Variants in RAB5C observed in about 807,000 individuals in gnomAD.
RAB5C encodes ras-related protein Rab-5C.
Under a neutral mutation model 25.2 loss-of-function variants are expected in RAB5C, and 4 were observed. The observed-to-expected ratio is 0.16, with a 90% CI of 0.08 to 0.36. The LOEUF is 0.36. RAB5C is among the 10% of genes least tolerant of loss of function. The pLI, the probability that RAB5C is intolerant of heterozygous loss-of-function variation, is 1.00. For missense variants in RAB5C, 199 were observed against 283.8 expected (o/e 0.70, Z 2.15); for synonymous variants, 100 against 106.4 (o/e 0.94, Z 0.37).
chr17:42,140,715 G>A (rs1400790169), intron 1 of RAB5C, among the ~76,000 whole-genome samples: 1 of 151,596 alleles, frequency 6.6e-6, no homozygotes, highest in African/African-American at 2.4e-5. Flanking sequence ...TAGTAGAGAT[G>A]AGGTTTCGCC....
intron 1 of RAB5C, among the ~76,000 whole-genome samples, chr17:42,151,784 A>T (rs2079673314): frequency 6.6e-6 from 1 of 152,146 alleles, no homozygotes; most frequent in Admixed American, 6.6e-5. Context: ...TGGGACTCCT[A>T]ACTGTTTTGG....
At chr17:42,139,409 G>A (rs912149035) in intron 1 of RAB5C, among the ~76,000 whole-genome samples, 59 of 152,210 alleles carry the variant, frequency 3.9e-4, no homozygotes, top group African/African-American at 1.4e-3. Context: ...TCCTGAGACT[G>A]TTCTCCCTAA....
At chr17:42,148,469 A>C (rs2079650781) in intron 1 of RAB5C, among the ~76,000 whole-genome samples, 1 of 151,450 alleles carries the variant, frequency 6.6e-6, no homozygotes, top group Non-Finnish European at 1.5e-5. Flanking sequence ...GGCAGGTTTG[A>C]ATGTCTGCCC....
At position 42,150,855 on chromosome 17, in the gene RAB5C, A is replaced by C. The variant is rs185730934; in HGVS notation, c.-89+4038T>G. Among the ~76,000 whole-genome samples, 61 of 152,212 alleles carry C rather than the reference A, an allele frequency of 4.0e-4. No individual in the cohort carries two copies. The East Asian group carries it at 0.011, about 28-fold the overall frequency. On this transcript the variant is annotated intron_variant, in intron 1 of 5. Transcript: ENST00000346213. ...GAATGAGAATGAGACTGCCTCAAAA[A>C]AAAAAAGAACCTTCAAACCCCTACC...
intron 1 of RAB5C, among the ~76,000 whole-genome samples, chr17:42,134,346 A>T (rs2054515259): frequency 6.6e-6 from 1 of 152,182 alleles, no homozygotes. Flanking sequence ...GCCAAAACTG[A>T]CATAGTTTTC....
At chr17:42,140,496 T>TATATATAC (rs1315677275) in intron 1 of RAB5C, among the ~76,000 whole-genome samples, 1 of 51,044 alleles carries the variant, frequency 2.0e-5, no homozygotes. Flanking sequence ...TATATATATA[T>TATATATAC]ATATATATAT....
At chr17:42,130,886 A>G (rs2054478572) in intron 1 of RAB5C, among the ~76,000 whole-genome samples, 1 of 152,180 alleles carries the variant, frequency 6.6e-6, no homozygotes, top group African/African-American at 2.4e-5. Flanking sequence ...ATTCACCTAC[A>G]AATAAACACA....
At position 42,126,774 on chromosome 17, in the gene RAB5C, G is replaced by T. The variant is rs147169833; in HGVS notation, c.516C>A (p.Asn172Lys). ...ACTGACCTATTGCCATGAAGATTTC[G>T]TTCACGTTCATTGCAGTCTTTGCTG... ...ETSAKTAMNV[N>K]EIFMAIAKKL... is the part of the protein sequence containing the mutation. Residue 172 changes from asparagine (N) to lysine (K), a missense_variant, in exon 5 of 6, where the codon AAC becomes AAA. Around this residue, in one of 3 missense-constraint regions of RAB5C, gnomAD observed 154 missense variants for 199.6 expected, o/e 0.77. Transcript: ENST00000346213. The T allele has an allele frequency of 6.2e-7, 1 of 1,611,538 alleles. No individual in the cohort carries two copies. The highest frequency in any genetic ancestry group is 8.5e-7 in the Non-Finnish European group (1 of 1,178,258).
At chr17:42,129,745 AAGGATGACTCAAGGCCAAGGCC>A (rs926580126) in intron 2 of RAB5C, among the ~76,000 whole-genome samples, 6 of 152,214 alleles carry the variant, frequency 3.9e-5, no homozygotes, top group African/African-American at 1.4e-4. Flanking sequence ...AGAGTAGAGA[AAGGATGACTCAAGGCCAAGGCC>A]AGCGTTGGCC....
At chr17:42,127,834 T>G (rs1283557895) in intron 4 of RAB5C, among the ~76,000 whole-genome samples, 2 of 151,324 alleles carry the variant, frequency 1.3e-5, no homozygotes, top group East Asian at 1.9e-4. Flanking sequence ...GCTGTTTTTT[T>G]TTTTTTTTTA....
intron 4 of RAB5C, among the ~76,000 whole-genome samples, chr17:42,127,467 C>T (rs1598242969): frequency 6.6e-6 from 1 of 152,002 alleles, no homozygotes; most frequent in Non-Finnish European, 1.5e-5. Context: ...ATACACATAC[C>T]CCTACCACCA....
intron 5 of RAB5C, 33 bp downstream of exon 5, chr17:42,126,722 G>A (rs2144058708): frequency 2.1e-6 from 3 of 1,452,086 alleles, no homozygotes; most frequent in East Asian, 2.3e-5. Context: ...CCCTTGCTGT[G>A]GTGGAGAGAG....
At chr17:42,134,809 C>G (rs2883233) in intron 1 of RAB5C, among the ~76,000 whole-genome samples, 131,154 of 152,156 alleles carry the variant, frequency 0.86, 57,072 homozygotes, top group East Asian at 1. Flanking sequence ...CACATGAAAG[C>G]GCAGAAGGGA....
At chr17:42,132,450 G>C (rs971561612) in intron 1 of RAB5C, among the ~76,000 whole-genome samples, 5 of 152,186 alleles carry the variant, frequency 3.3e-5, no homozygotes, top group African/African-American at 1.2e-4. Flanking sequence ...TCAATGAAGA[G>C]ACAAGGTCTG....
rs1292186998 is a variant in RAB5C at position 42,140,505 on chromosome 17, ATATATATATATTTTTTTT to A, written c.-88-9933_-88-9916del. Among the ~76,000 whole-genome samples the A allele has an allele frequency of 1.8e-3, 131 of 71,500 alleles. 1 individual carries two copies. Among genetic ancestry groups the A allele is most frequent in the African/African-American group, 7.7e-3 (126 of 16,396 alleles). 46.9% of individuals were successfully genotyped at this position (71,500 alleles called of 152,430 possible). A position where few individuals can be genotyped will look rare whatever the true frequency, so the allele number is the denominator to read the frequency against. The stretch of plus-strand genomic sequence containing the variant: ...TTAGAATATATATATATATATATAT[ATATATATATATTTTTTTT>A]TTTTTTTTTTTTTTTTTTGAGATGG... On this transcript the variant is annotated intron_variant, in intron 1 of 5. Transcript: ENST00000346213.
At chr17:42,147,464 C>T (rs558741269) in intron 1 of RAB5C, among the ~76,000 whole-genome samples, 1 of 152,324 alleles carries the variant, frequency 6.6e-6, no homozygotes, top group Admixed American at 6.5e-5. Context: ...GAAGCACGGT[C>T]GTTCTGTCCT....
chr17:42,152,006 T>G (rs1322163323), intron 1 of RAB5C, among the ~76,000 whole-genome samples: 1 of 152,144 alleles, frequency 6.6e-6, no homozygotes, highest in Non-Finnish European at 1.5e-5. Context: ...AGGTCACATC[T>G]GACCCCAAAT....
Position 42,126,855 on chromosome 17 carries a change from T to C in RAB5C, c.442-7A>G. ...CTGCATAGGCTTGTGCTTCCTGGTT[T>C]GGATGGAGGTGAGAGGAGGTGAGAG... On this transcript the variant is annotated splice_polypyrimidine_tract_variant and splice_region_variant and intron_variant, in intron 4 of 5. Transcript: ENST00000346213. 1 of 1,599,218 alleles carries C rather than the reference T, an allele frequency of 6.3e-7. No homozygotes were observed. Among genetic ancestry groups the C allele is most frequent in the East Asian group, 2.2e-5 (1 of 44,646 alleles).
At chr17:42,151,255 C>T (rs1027497249) in intron 1 of RAB5C, among the ~76,000 whole-genome samples, 3 of 152,110 alleles carry the variant, frequency 2.0e-5, no homozygotes, top group South Asian at 2.1e-4. Flanking sequence ...GCTAACACGG[C>T]GGAACCCCAT....
Sources: gnomAD v4.1 joint callset for allele counts (sites outside exome capture counted in the v4.1 genomes callset) on GRCh38, gnomAD v4.1.1 for gene constraint, gnomAD v4.1.1 regional missense constraint, MANE v1.5 for transcripts, NCBI Gene and HGNC (gene_info 2026-07-23, HGNC 2026-07-21) for gene names.